FGF7: variants seen among roughly 807,000 people sequenced by gnomAD.
FGF7 encodes FGF-7.
Under a neutral mutation model 20.5 loss-of-function variants are expected in FGF7, and 6 were observed. That is an observed-to-expected ratio of 0.29 (90% CI 0.16 to 0.58). The LOEUF (loss-of-function observed/expected upper bound fraction) is 0.58, where lower values mean the gene tolerates loss of function less well. Among genes scored for constraint, FGF7 ranks in the 20% least tolerant of loss-of-function variants. FGF7 has a pLI of 0.90. For missense variants in FGF7, 144 were observed against 228.8 expected, an observed-to-expected ratio of 0.63 and a Z score of 2.39; for synonymous variants, 64 against 74.7, an observed-to-expected ratio of 0.86 and a Z score of 0.74.
At chr15:49,480,341 C>T (rs1481599235) in intron 2 of FGF7, among the ~76,000 whole-genome samples, 1 of 152,034 alleles carries the variant, frequency 6.6e-6, no homozygotes, top group Non-Finnish European at 1.5e-5. Flanking sequence ...GACAGAGCCT[C>T]ACTCCACCCA....
intron 2 of FGF7, among the ~76,000 whole-genome samples, chr15:49,449,151 C>A (rs1452062827): frequency 6.6e-6 from 1 of 151,938 alleles, no homozygotes; most frequent in Non-Finnish European, 1.5e-5. Context: ...ACTGCTCACT[C>A]TAGCACTATC....
At chr15:49,470,928 A>G (rs1320379656) in intron 2 of FGF7, among the ~76,000 whole-genome samples, 1 of 152,236 alleles carries the variant, frequency 6.6e-6, no homozygotes, top group Non-Finnish European at 1.5e-5. Flanking sequence ...AAGGACACCA[A>G]GGGAACTACT....
intron 2 of FGF7, among the ~76,000 whole-genome samples, chr15:49,454,646 G>T (rs1320446837): frequency 6.6e-6 from 1 of 152,108 alleles, no homozygotes; most frequent in East Asian, 1.9e-4. Context: ...GTCTCGCTCT[G>T]TCACACAGGC....
At chr15:49,429,497 G>C (rs1357306766) in intron 2 of FGF7, among the ~76,000 whole-genome samples, 1 of 151,804 alleles carries the variant, frequency 6.6e-6, no homozygotes, top group East Asian at 1.9e-4. Flanking sequence ...TGACCCTTAT[G>C]ACTCAGCTGT....
intron 2 of FGF7, among the ~76,000 whole-genome samples, chr15:49,463,296 G>C (rs2053966979): frequency 6.6e-6 from 1 of 152,266 alleles, no homozygotes; most frequent in Middle Eastern, 3.4e-3. Flanking sequence ...GCTCACACCT[G>C]TAATCCCAGC....
intron 2 of FGF7, among the ~76,000 whole-genome samples, chr15:49,437,914 G>C (rs1056676677): frequency 2.0e-5 from 3 of 151,636 alleles, no homozygotes; most frequent in Middle Eastern, 3.4e-3. Flanking sequence ...GGGAGAGAAA[G>C]GGCAATACTC....
At chr15:49,439,320 G>A (rs1441335592) in intron 2 of FGF7, among the ~76,000 whole-genome samples, 1 of 151,566 alleles carries the variant, frequency 6.6e-6, no homozygotes, top group Non-Finnish European at 1.5e-5. Flanking sequence ...GAGAGAAAGG[G>A]AGGCAGAGAG....
At chr15:49,473,427 T>G (rs751323535) in intron 2 of FGF7, among the ~76,000 whole-genome samples, 2 of 151,738 alleles carry the variant, frequency 1.3e-5, no homozygotes, top group Non-Finnish European at 2.9e-5. Flanking sequence ...TTTAAATTGA[T>G]GTATATTTGA....
At chr15:49,432,460 C>T (rs1008529691) in intron 2 of FGF7, among the ~76,000 whole-genome samples, 1 of 151,606 alleles carries the variant, frequency 6.6e-6, no homozygotes, top group African/African-American at 2.4e-5. Context: ...AAAGAGTATA[C>T]ATGATTTCTT....
intron 2 of FGF7, among the ~76,000 whole-genome samples, chr15:49,449,537 G>T (rs1427910579): frequency 6.6e-6 from 1 of 151,896 alleles, no homozygotes; most frequent in Non-Finnish European, 1.5e-5. Context: ...AATTGCACAG[G>T]GTGGGGCCAG....
Position 49,484,320 on chromosome 15 carries a change from A to G in FGF7, c.401A>G (p.Asn134Ser), listed in dbSNP as rs1456303346. Residue 134 changes from asparagine (N) to serine (S), a missense_variant, in exon 4 of 4, where the codon AAT becomes AGT. This residue lies in a region of FGF7 where 56 missense variants were observed against 125.4 expected (regional missense o/e 0.45). Coordinates refer to ENST00000267843, the MANE Select transcript of FGF7 (RefSeq NM_002009.4). ...TGTTTGTTTTAACAGAAAGAATGCA[A>G]TGAAGATTGTAACTTCAAAGAACTA... The part of the protein sequence containing the change: ...EGKLYAKKEC[N>S]EDCNFKELIL... 1.3e-6 allele frequency: 2 copies of G among 1,587,562 alleles called. No homozygotes were observed. Among genetic ancestry groups the G allele is most frequent in the South Asian group, 1.1e-5 (1 of 89,894 alleles).
At chr15:49,468,927 T>C (rs977095126) in intron 2 of FGF7, among the ~76,000 whole-genome samples, 1 of 152,194 alleles carries the variant, frequency 6.6e-6, no homozygotes, top group Non-Finnish European at 1.5e-5. Context: ...ACTGTCACTT[T>C]TGAAAAAGTC....
chr15:49,463,236 G>C (rs2053960534), intron 2 of FGF7, among the ~76,000 whole-genome samples: 1 of 152,062 alleles, frequency 6.6e-6, no homozygotes, highest in African/African-American at 2.4e-5. Context: ...ACTTTTCAGT[G>C]GCTTACCATC....
intron 2 of FGF7, among the ~76,000 whole-genome samples, chr15:49,457,492 T>C (rs911072018): frequency 2.0e-5 from 3 of 151,980 alleles, no homozygotes; most frequent in African/African-American, 7.2e-5. Flanking sequence ...ATATAAATAC[T>C]TGAGTCACTT....
intron 2 of FGF7, among the ~76,000 whole-genome samples, chr15:49,452,970 T>C (rs184178053): frequency 9.6e-4 from 146 of 152,276 alleles, no homozygotes; most frequent in African/African-American, 3.3e-3. Context: ...AGGTTTTCCT[T>C]CCATAGGGCC....
chr15:49,477,533 A>G (rs1267071970), intron 2 of FGF7, among the ~76,000 whole-genome samples: 1 of 152,236 alleles, frequency 6.6e-6, no homozygotes, highest in Non-Finnish European at 1.5e-5. Context: ...TTATTGCTAA[A>G]TAATATTCCA....
rs56097665 is a variant in FGF7 at position 49,479,599 on chromosome 15, G to GTTTTT, written c.287-3527_287-3523dup. Among the ~76,000 whole-genome samples the GTTTTT allele has an allele frequency of 2.7e-4, 17 of 63,322 alleles. 2 individuals are homozygous for GTTTTT. The highest frequency in any genetic ancestry group is 8.2e-4 in the African/African-American group (13 of 15,942). 41.5% of individuals were successfully genotyped at this position (63,322 alleles called of 152,430 possible). On this transcript the variant is annotated intron_variant, in intron 2 of 3. Coordinates refer to ENST00000267843, the MANE Select transcript of FGF7 (RefSeq NM_002009.4). ...GTAGGATTTCATAGTTAATACCTCT[G>GTTTTT]TTTTTTTTTTTTTTTTTTTTTTTTT...
At chr15:49,455,577 T>A (rs182851073) in intron 2 of FGF7, among the ~76,000 whole-genome samples, 1 of 152,272 alleles carries the variant, frequency 6.6e-6, no homozygotes, top group African/African-American at 2.4e-5. Context: ...TCGTCAGTTA[T>A]AAAAAAGTTT....
intron 2 of FGF7, among the ~76,000 whole-genome samples, chr15:49,465,117 CCTT>C (rs1370728725): frequency 6.6e-6 from 1 of 151,620 alleles, no homozygotes; most frequent in Admixed American, 6.6e-5. Context: ...AGTAGAATGT[CCTT>C]CTTAATTTTA....
Sources: gnomAD v4.1 joint callset for allele counts (sites outside exome capture counted in the v4.1 genomes callset) on GRCh38, gnomAD v4.1.1 for gene constraint, gnomAD v4.1.1 regional missense constraint, MANE v1.5 for transcripts, NCBI Gene and HGNC (gene_info 2026-07-23, HGNC 2026-07-21) for gene names.